Variants in AFF2 observed in about 807,000 individuals in gnomAD.
AFF2 encodes AF4/FMR2 family member 2.
In AFF2, 14 loss-of-function variants were observed where a neutral mutation model predicts 76.9. That is an observed-to-expected ratio of 0.18 (90% CI 0.12 to 0.28). The LOEUF is 0.28. Among genes scored for constraint, AFF2 ranks in the 10% least tolerant of loss-of-function variants. The pLI is 1.00. For missense variants in AFF2, 868 were observed against 1,001.1 expected (o/e 0.87, Z 1.79); for synonymous variants, 398 against 366.7 (o/e 1.09, Z -0.98).
At chrX:148,556,181 A>G (rs781981100) in intron 1 of AFF2, among the ~76,000 whole-genome samples, 2 of 112,549 alleles carry the variant, frequency 1.8e-5, no homozygotes, top group East Asian at 5.6e-4. Flanking sequence ...TTTGTTTTAC[A>G]GAAGAAATTC....
At chrX:148,717,427 A>G (rs990150026) in intron 3 of AFF2, among the ~76,000 whole-genome samples, 4 of 112,144 alleles carry the variant, frequency 3.6e-5, no homozygotes, top group African/African-American at 1.3e-4. Flanking sequence ...TAACTGCTTA[A>G]TATGTAGAGT....
At chrX:148,582,146 C>G (rs1327377955) in intron 1 of AFF2, among the ~76,000 whole-genome samples, 3 of 111,283 alleles carry the variant, frequency 2.7e-5, no homozygotes, top group Non-Finnish European at 3.8e-5. Flanking sequence ...AGGAATACCA[C>G]AAAAGTGACG....
At chrX:148,879,934 C>T (rs1296278362) in intron 7 of AFF2, among the ~76,000 whole-genome samples, 1 of 111,909 alleles carries the variant, frequency 8.9e-6, no homozygotes, top group African/African-American at 3.2e-5. Flanking sequence ...TATGAAATAC[C>T]TATTTTCTGA....
At chrX:148,633,854 A>T (rs894137357) in intron 1 of AFF2, among the ~76,000 whole-genome samples, 1 of 112,548 alleles carries the variant, frequency 8.9e-6, no homozygotes, top group Non-Finnish European at 1.9e-5. Context: ...AAACCACATG[A>T]TATAAGAATG....
Position 148,728,964 on chromosome X carries a change from G to A in AFF2, c.1041+66196G>A, listed in dbSNP as rs924518744. Among the ~76,000 whole-genome samples, 34 of 112,000 alleles carry A rather than the reference G, an allele frequency of 3.0e-4. 2 individuals are homozygous for A. The highest frequency in any genetic ancestry group is 2.1e-3 in the Admixed American group (22 of 10,568). ...GGATTGAATTACTTGGGAAGGTTGC[G>A]GTTATTCTGGGTATACTTGGGTTTG... On this transcript the variant is annotated intron_variant, in intron 3 of 20. Coordinates refer to ENST00000370460, the MANE Select transcript of AFF2 (RefSeq NM_002025.4).
chrX:148,530,285 C>G (rs2052714779), intron 1 of AFF2, among the ~76,000 whole-genome samples: 1 of 111,867 alleles, frequency 8.9e-6, no homozygotes, highest in African/African-American at 3.3e-5. Context: ...AGAGCAGATA[C>G]TCAATATATG....
chrX:148,837,623 A>ATTC (rs1569556060), intron 4 of AFF2, 24 bp from the exon 5 acceptor site: 13 of 996,219 alleles, frequency 1.3e-5, no homozygotes, highest in Non-Finnish European at 1.8e-5. Context: ...CCTGAAATAA[A>ATTC]GTTTCTTTAT....
intron 8 of AFF2, among the ~76,000 whole-genome samples, chrX:148,889,563 A>G (rs782274804): frequency 1.8e-5 from 2 of 112,359 alleles, no homozygotes; most frequent in African/African-American, 3.2e-5. Flanking sequence ...CATGGCTTCA[A>G]TGAAGACACG....
chrX:148,548,783 A>G (rs1435073887), intron 1 of AFF2, among the ~76,000 whole-genome samples: 1 of 112,125 alleles, frequency 8.9e-6, no homozygotes, highest in African/African-American at 3.2e-5. Flanking sequence ...CAGTGTAGGC[A>G]TGGTCATAAG....
chrX:148,603,854 CTTGG>C (rs2053649848), intron 1 of AFF2, among the ~76,000 whole-genome samples: 1 of 109,542 alleles, frequency 9.1e-6, no homozygotes, highest in Non-Finnish European at 1.9e-5. Flanking sequence ...ATGTAATTAT[CTTGG>C]TTATTTTTCT....
chrX:148,806,902 G>A (rs2070143095), intron 3 of AFF2, among the ~76,000 whole-genome samples: 1 of 112,459 alleles, frequency 8.9e-6, no homozygotes, highest in African/African-American at 3.2e-5. Flanking sequence ...GCACTTGCAG[G>A]AAGGAAAAGC....
At chrX:148,710,131 A>G (rs868938727) in intron 3 of AFF2, among the ~76,000 whole-genome samples, 21 of 112,025 alleles carry the variant, frequency 1.9e-4, no homozygotes, top group African/African-American at 6.2e-4. Flanking sequence ...GCCAGACACA[A>G]TTTCTAAGAG....
chrX:148,873,339 T>C (rs1386463541), intron 7 of AFF2, among the ~76,000 whole-genome samples: 2 of 110,445 alleles, frequency 1.8e-5, no homozygotes, highest in African/African-American at 6.6e-5. Flanking sequence ...TTGCATAGAC[T>C]CAGCAGAGGA....
At chrX:148,691,120 C>T (rs2054646670) in intron 3 of AFF2, among the ~76,000 whole-genome samples, 1 of 111,686 alleles carries the variant, frequency 9.0e-6, no homozygotes, top group African/African-American at 3.3e-5. Context: ...CACAATTCAG[C>T]CCATAACCGT....
intron 4 of AFF2, among the ~76,000 whole-genome samples, chrX:148,812,340 C>T (rs1557271865): frequency 9.0e-6 from 1 of 111,108 alleles, no homozygotes; most frequent in Non-Finnish European, 1.9e-5. Context: ...TCAAACTAAG[C>T]AGAGGCCCAA....
At chrX:148,728,443 G>T (rs1402597299) in intron 3 of AFF2, among the ~76,000 whole-genome samples, 2 of 112,143 alleles carry the variant, frequency 1.8e-5, no homozygotes, top group Admixed American at 1.9e-4. Flanking sequence ...TTTGGACTTG[G>T]CACAAATTAG....
At chrX:148,657,415 G>T (rs1441153474) in intron 2 of AFF2, among the ~76,000 whole-genome samples, 1 of 111,975 alleles carries the variant, frequency 8.9e-6, no homozygotes, top group Middle Eastern at 4.6e-3. Context: ...AAAAAAATGC[G>T]CTTCAAAACT....
chrX:148,755,280 T>C (rs1390879948), intron 3 of AFF2, among the ~76,000 whole-genome samples: 2 of 112,296 alleles, frequency 1.8e-5, no homozygotes, highest in African/African-American at 3.2e-5. Context: ...CAATGCTTTG[T>C]CTGTGCTTAA....
intron 3 of AFF2, among the ~76,000 whole-genome samples, chrX:148,717,274 C>T (rs1201250127): frequency 8.9e-6 from 1 of 111,963 alleles, no homozygotes; most frequent in East Asian, 2.8e-4. Context: ...CATAGATGAA[C>T]CATAACAACA....
Sources: gnomAD v4.1 joint callset for allele counts (sites outside exome capture counted in the v4.1 genomes callset) on GRCh38, gnomAD v4.1.1 for gene constraint, MANE v1.5 for transcripts, NCBI Gene and HGNC (gene_info 2026-07-23, HGNC 2026-07-21) for gene names.